The following BMPR2 variants were observed in gnomAD, a reference collection of about 807,000 sequenced individuals.
BMPR2 encodes the protein bone morphogenetic protein receptor type 2.
In BMPR2, 29 loss-of-function variants were observed where a neutral mutation model predicts 100.8. The ratio of observed to expected loss-of-function variants is 0.29; its 90% CI spans 0.21 to 0.39. The LOEUF is 0.39. BMPR2 is among the 10% of genes least tolerant of loss of function. The probability of loss-of-function intolerance (pLI) is 1.00; values close to 1 mark genes in which losing one functional copy is unlikely to be tolerated. For missense variants in BMPR2, 1,011 were observed against 1,274.5 expected, an observed-to-expected ratio of 0.79 and a Z score of 3.15; for synonymous variants, 382 against 442.3, an observed-to-expected ratio of 0.86 and a Z score of 1.71.
At chr2:202,457,621 G>A (rs1268841218) in intron 1 of BMPR2, among the ~76,000 whole-genome samples, 1 of 149,558 alleles carries the variant, frequency 6.7e-6, no homozygotes, top group Non-Finnish European at 1.5e-5. Flanking sequence ...TAAAATCTTT[G>A]GAAACCTATG....
At chr2:202,399,107 A>C (rs1690709497) in intron 1 of BMPR2, among the ~76,000 whole-genome samples, 1 of 152,166 alleles carries the variant, frequency 6.6e-6, no homozygotes, top group Admixed American at 6.6e-5. Context: ...CAGCCTGGGC[A>C]ACAAGAGTGA....
At chr2:202,555,226 T>C (rs1159254069) in intron 11 of BMPR2, 26 bp from the exon 12 acceptor site, 1 of 1,591,392 alleles carries the variant, frequency 6.3e-7, no homozygotes, top group East Asian at 2.2e-5. Context: ...ACGTTCTCAA[T>C]GTGATACTTT....
chr2:202,534,202 ATATG>A (rs1242528078), intron 9 of BMPR2, among the ~76,000 whole-genome samples: 3 of 143,204 alleles, frequency 2.1e-5, no homozygotes, highest in East Asian at 3.9e-4. Context: ...ACACACATAT[ATATG>A]TATCGTGTGT....
chr2:202,535,122 C>G (rs1476359781), intron 9 of BMPR2, among the ~76,000 whole-genome samples: 1 of 135,638 alleles, frequency 7.4e-6, no homozygotes, highest in African/African-American at 2.9e-5. Flanking sequence ...GGCGGCTGGC[C>G]GGGCGGGGGG....
At chr2:202,530,694 A>G (rs1473429010) in intron 7 of BMPR2, 100 bp from the exon 8 acceptor site, 1 of 1,085,144 alleles carries the variant, frequency 9.2e-7, no homozygotes, top group African/African-American at 1.6e-5. Context: ...TAGAAAATTA[A>G]TGGGCAGAAA....
At chr2:202,492,589 A>G (rs1220262132) in intron 3 of BMPR2, among the ~76,000 whole-genome samples, 1 of 151,354 alleles carries the variant, frequency 6.6e-6, no homozygotes, top group Non-Finnish European at 1.5e-5. Context: ...AATCCCAGCT[A>G]CTTGGGAGGC....
chr2:202,488,379 A>T (rs1273224010), intron 3 of BMPR2, among the ~76,000 whole-genome samples: 3 of 152,218 alleles, frequency 2.0e-5, no homozygotes, highest in Non-Finnish European at 4.4e-5. Flanking sequence ...TTTTAAAAAT[A>T]AAACATCTTT....
intron 1 of BMPR2, among the ~76,000 whole-genome samples, chr2:202,393,908 A>AGAGAGAGAGAGAG (rs1690606643): frequency 1.3e-5 from 2 of 150,686 alleles, no homozygotes; most frequent in Non-Finnish European, 3.0e-5. Context: ...AGAGAGAGAG[A>AGAGAGAGAGAGAG]GAGAGAGAGA....
intron 7 of BMPR2, 94 bp from the exon 8 acceptor site, chr2:202,530,700 A>G (rs568108999): frequency 3.5e-5 from 40 of 1,150,070 alleles, no homozygotes; most frequent in Middle Eastern, 2.6e-4. Flanking sequence ...ATTAATGGGC[A>G]GAAAAATAAT....
chr2:202,454,821 C>T lies in BMPR2; in HGVS notation c.77-9988C>T, dbSNP rs1365906400. On this transcript the variant is annotated intron_variant, in intron 1 of 12. Transcript: ENST00000374580. Reference sequence around the variant, plus strand: ...TATTAGTTGGCTTGGACTGCCACAACAAAATACAATAGACTCGATGTCTTG... The same window carrying T: ...TATTAGTTGGCTTGGACTGCCACAATAAAATACAATAGACTCGATGTCTTG... Among the ~76,000 whole-genome samples, 3 of 152,308 alleles carry T rather than the reference C, an allele frequency of 2.0e-5. No homozygotes were observed. In the East Asian group the frequency reaches 5.8e-4, roughly 29 times the overall value.
chr2:202,450,300 A>G (rs1691950652), intron 1 of BMPR2, among the ~76,000 whole-genome samples: 1 of 152,232 alleles, frequency 6.6e-6, no homozygotes, highest in Non-Finnish European at 1.5e-5. Flanking sequence ...GAGAATGCTC[A>G]GCAAAATGAT....
chr2:202,392,377 A>G (rs1227057847), intron 1 of BMPR2, among the ~76,000 whole-genome samples: 1 of 152,104 alleles, frequency 6.6e-6, no homozygotes, highest in Non-Finnish European at 1.5e-5. Flanking sequence ...GACCCAGTCT[A>G]CACTCTTAAC....
At chr2:202,487,040 A>G (rs1692792481) in intron 3 of BMPR2, among the ~76,000 whole-genome samples, 1 of 151,914 alleles carries the variant, frequency 6.6e-6, no homozygotes, top group African/African-American at 2.4e-5. Context: ...TATACTTATT[A>G]TAATTGATTT....
At chr2:202,386,838 G>A (rs752978501) in intron 1 of BMPR2, among the ~76,000 whole-genome samples, 10 of 151,948 alleles carry the variant, frequency 6.6e-5, no homozygotes, top group Non-Finnish European at 7.4e-5. Flanking sequence ...GTGCCACCAC[G>A]CCCGGCTAAA....
Position 202,522,162 on chromosome 2 carries a change from A to G in BMPR2, c.967+1961A>G, listed in dbSNP as rs183444682. 6.0e-3 allele frequency among the ~76,000 whole-genome samples: 909 copies of G among 151,822 alleles called. 15 individuals are homozygous for G. Among genetic ancestry groups the G allele is most frequent in the African/African-American group, 0.021 (867 of 41,378 alleles). On this transcript the variant is annotated intron_variant, in intron 7 of 12. Coordinates refer to ENST00000374580, the MANE Select transcript of BMPR2 (RefSeq NM_001204.7). The stretch of plus-strand genomic sequence containing the variant: ...TGACAGAGTGAGACCCTGTCTCAAA[A>G]AAACAAAAAAACGAAAGAAAAAGAA...
chr2:202,542,856 G>A (rs773264814), intron 10 of BMPR2, among the ~76,000 whole-genome samples: 125 of 152,214 alleles, frequency 8.2e-4, no homozygotes, highest in African/African-American at 2.4e-3. Flanking sequence ...AAACCAAGGC[G>A]CAGCCTATGA....
intron 1 of BMPR2, among the ~76,000 whole-genome samples, chr2:202,460,896 G>T (rs1158658412): frequency 6.7e-6 from 1 of 148,956 alleles, no homozygotes; most frequent in Non-Finnish European, 1.5e-5. Flanking sequence ...TAGTAACCCA[G>T]ACTCTAGGGT....
At chr2:202,445,143 A>G (rs1043186186) in intron 1 of BMPR2, among the ~76,000 whole-genome samples, 1 of 150,568 alleles carries the variant, frequency 6.6e-6, no homozygotes, top group Non-Finnish European at 1.5e-5. Flanking sequence ...TTGCATCACC[A>G]TATACTTGAA....
At chr2:202,449,231 C>T (rs1160504717) in intron 1 of BMPR2, among the ~76,000 whole-genome samples, 1 of 151,802 alleles carries the variant, frequency 6.6e-6, no homozygotes. Context: ...TCGCTTGAAA[C>T]CGGGAGGTGG....
Sources: gnomAD v4.1 joint callset for allele counts (sites outside exome capture counted in the v4.1 genomes callset) on GRCh38, gnomAD v4.1.1 for gene constraint, MANE v1.5 for transcripts, NCBI Gene and HGNC (gene_info 2026-07-23, HGNC 2026-07-21) for gene names.